The following RIMS1 variants were observed in gnomAD, a reference collection of about 807,000 sequenced individuals.
RIMS1 encodes the protein regulating synaptic membrane exocytosis 1.
A neutral mutation model predicts 214.1 loss-of-function variants in RIMS1; 83 were observed. That is an observed-to-expected ratio of 0.39 (90% CI 0.32 to 0.47). The LOEUF is 0.47. Among genes scored for constraint, RIMS1 ranks in the 20% least tolerant of loss-of-function variants. The pLI, the probability that RIMS1 is intolerant of heterozygous loss-of-function variation, is 0.99. For synonymous variants in RIMS1, 793 were observed against 786.8 expected, an observed-to-expected ratio of 1.01 and a Z score of -0.13; for missense variants, 2,050 against 2,161.8, an observed-to-expected ratio of 0.95 and a Z score of 1.03.
chr6:71,922,535 G>A (rs1451490792), intron 1 of RIMS1, among the ~76,000 whole-genome samples: 1 of 152,164 alleles, frequency 6.6e-6, no homozygotes, highest in African/African-American at 2.4e-5. Context: ...GCGAGATCCT[G>A]TCTCAAAGAC....
At chr6:72,233,051 C>A (rs1272835667) in intron 6 of RIMS1, among the ~76,000 whole-genome samples, 1 of 151,708 alleles carries the variant, frequency 6.6e-6, no homozygotes, top group Admixed American at 6.6e-5. Context: ...TGTAGGTTAC[C>A]CAATTTTTCT....
In RIMS1 at chr6:71,986,498, G is replaced by A. The variant is rs184309271; in HGVS notation, c.245+17435G>A. 1.5e-3 allele frequency among the ~76,000 whole-genome samples: 227 copies of A among 152,276 alleles called. 3 individuals are homozygous for A. Among genetic ancestry groups the A allele is most frequent in the Admixed American group, 3.2e-3 (49 of 15,294 alleles). ...GAAACTGATGATGCCTTGTCGTGGG[G>A]AGAAGAGCATGGATTATAAATAAGA... On this transcript the variant is annotated intron_variant, in intron 2 of 33. Transcript: ENST00000521978.
chr6:71,910,838 T>G (rs535991828), intron 1 of RIMS1, among the ~76,000 whole-genome samples: 3 of 152,248 alleles, frequency 2.0e-5, no homozygotes, highest in Admixed American at 1.3e-4. Flanking sequence ...TTAATTAATT[T>G]TTCACTACCT....
At chr6:72,012,673 A>G (rs988156155) in intron 2 of RIMS1, among the ~76,000 whole-genome samples, 3 of 152,164 alleles carry the variant, frequency 2.0e-5, no homozygotes, top group Admixed American at 2.0e-4. Context: ...CCACAAGGTA[A>G]GGGTGGAGAG....
chr6:72,232,619 A>T (rs1305052813), intron 6 of RIMS1, among the ~76,000 whole-genome samples: 1 of 151,774 alleles, frequency 6.6e-6, no homozygotes, highest in Non-Finnish European at 1.5e-5. Flanking sequence ...ACCCCTGCAT[A>T]GAATATACTA....
At position 72,317,209 on chromosome 6, in the gene RIMS1, G is replaced by T. The variant is rs2095852668; in HGVS notation, c.4130+3537G>T. On this transcript the variant is annotated intron_variant, in intron 28 of 33. Transcript: ENST00000521978. Reference sequence around the variant, plus strand: ...GGACTTGATGCTGAAGCCCTCACGGGGTGGCAGCAGGGGACTGGGAGCATC... The same window carrying T: ...GGACTTGATGCTGAAGCCCTCACGGTGTGGCAGCAGGGGACTGGGAGCATC... The T allele has an allele frequency of 9.5e-6, 3 of 314,192 alleles. No homozygotes were observed. The South Asian group carries it at 1.1e-4, about 11-fold the overall frequency. 19.5% of individuals were successfully genotyped at this position (314,192 alleles called of 1,614,324 possible).
intron 1 of RIMS1, among the ~76,000 whole-genome samples, chr6:71,949,096 T>C (rs914312364): frequency 6.6e-6 from 1 of 152,220 alleles, no homozygotes; most frequent in African/African-American, 2.4e-5. Flanking sequence ...TTTTGTAGTA[T>C]GAGAATTTGT....
chr6:72,024,685 G>A (rs1037620541), intron 2 of RIMS1, among the ~76,000 whole-genome samples: 2 of 151,900 alleles, frequency 1.3e-5, no homozygotes, highest in African/African-American at 4.8e-5. Flanking sequence ...AAAGTAAAAT[G>A]TAATACTTAC....
At chr6:72,271,133 G>A (rs918630714) in intron 22 of RIMS1, among the ~76,000 whole-genome samples, 9 of 151,586 alleles carry the variant, frequency 5.9e-5, no homozygotes, top group African/African-American at 2.2e-4. Context: ...AGGCGTGGCG[G>A]TGTGCACCTG....
chr6:72,273,401 C>T (rs1472759015), intron 22 of RIMS1, among the ~76,000 whole-genome samples: 11 of 151,942 alleles, frequency 7.2e-5, no homozygotes, highest in Non-Finnish European at 1.5e-5. Flanking sequence ...AGAAAAATAT[C>T]CTGTTAGAAT....
chr6:72,250,949 G>A lies in RIMS1; in HGVS notation c.2401G>A (p.Val801Ile), dbSNP rs2073036122. The change falls in exon 14 of 34, where the codon GTA becomes ATA. Residue 801 changes from valine (V) to isoleucine (I), a missense_variant. By Grantham distance (29) the Val-to-Ile change is conservative (BLOSUM62 3). Around this residue, in one of 6 missense-constraint regions of RIMS1, gnomAD observed 889 missense variants for 885.5 expected, o/e 1.00. Coordinates refer to ENST00000521978, the MANE Select transcript of RIMS1 (RefSeq NM_014989.7). ...SDKSKRRTKT[V>I]KKILEPKWNQ... Reference sequence around the variant, plus strand: ...TAAAAGTAAAAGGAGGACCAAAACAGTAAAGAAAATACTAGAACCAAAATG... The same window carrying A: ...TAAAAGTAAAAGGAGGACCAAAACAATAAAGAAAATACTAGAACCAAAATG... The A allele has an allele frequency of 1.3e-6, 2 of 1,531,032 alleles. No individual in the cohort carries two copies. Among genetic ancestry groups the A allele is most frequent in the Non-Finnish European group, 1.8e-6 (2 of 1,138,414 alleles). The allele number at this position is 1,531,032 out of a possible 1,614,324, so 94.8% of individuals were successfully genotyped here.
chr6:71,971,148 T>C (rs970742623), intron 2 of RIMS1, among the ~76,000 whole-genome samples: 6 of 152,208 alleles, frequency 3.9e-5, no homozygotes, highest in African/African-American at 1.2e-4. Context: ...ATTGCAGTTA[T>C]GAGGATTGCA....
At chr6:71,974,089 T>A (rs1330440819) in intron 2 of RIMS1, among the ~76,000 whole-genome samples, 1 of 152,048 alleles carries the variant, frequency 6.6e-6, no homozygotes, top group Non-Finnish European at 1.5e-5. Flanking sequence ...CAGGAGGCAG[T>A]TGTATGAGGT....
At chr6:72,060,913 C>T (rs534077203) in intron 2 of RIMS1, among the ~76,000 whole-genome samples, 6 of 152,230 alleles carry the variant, frequency 3.9e-5, no homozygotes, top group South Asian at 2.1e-4. Context: ...ATTTGCCACT[C>T]AATAATTATT....
At chr6:72,306,069 T>C (rs2095125683) in intron 26 of RIMS1, among the ~76,000 whole-genome samples, 1 of 152,076 alleles carries the variant, frequency 6.6e-6, no homozygotes, top group Admixed American at 6.6e-5. Context: ...CATTTAGTCA[T>C]TGCAATGGAA....
chr6:72,400,995 G>T lies in RIMS1; in HGVS notation c.*281G>T, dbSNP rs564284813. Reference sequence around the variant, plus strand: ...GGAAACTTTAAATCCACGCATACACGTACACACACACATGCACACACACAC... The same window carrying T: ...GGAAACTTTAAATCCACGCATACACTTACACACACACATGCACACACACAC... On this transcript the variant is annotated 3_prime_UTR_variant, in exon 34 of 34. Transcript: ENST00000521978. 6 of 373,682 alleles carry T rather than the reference G, an allele frequency of 1.6e-5. No individual in the cohort carries two copies. The highest frequency in any genetic ancestry group is 1.2e-4 in the African/African-American group (6 of 49,100). The allele number at this position is 373,682 out of a possible 1,614,324, so 23.1% of individuals were successfully genotyped here.
chr6:72,115,715 G>T (rs563789289), intron 4 of RIMS1, among the ~76,000 whole-genome samples: 1 of 151,718 alleles, frequency 6.6e-6, no homozygotes, highest in African/African-American at 2.4e-5. Context: ...TCAACTGTGG[G>T]GTTAATATTA....
At chr6:72,082,688 G>T (rs1208807476) in intron 2 of RIMS1, among the ~76,000 whole-genome samples, 2 of 152,114 alleles carry the variant, frequency 1.3e-5, no homozygotes, top group Non-Finnish European at 2.9e-5. Flanking sequence ...AGTAGGAGCG[G>T]CATATCTTCA....
At chr6:71,929,320 G>A (rs1782417482) in intron 1 of RIMS1, among the ~76,000 whole-genome samples, 1 of 152,070 alleles carries the variant, frequency 6.6e-6, no homozygotes, top group African/African-American at 2.4e-5. Flanking sequence ...AAGGTAGAAG[G>A]TAATCAGAGC....
Sources: allele counts gnomAD v4.1 joint callset (sites outside exome capture counted in the v4.1 genomes callset), GRCh38; gene constraint gnomAD v4.1.1; regional missense constraint gnomAD v4.1.1; transcripts MANE v1.5; gene names NCBI Gene and HGNC (gene_info 2026-07-23, HGNC 2026-07-21).